SLC30A6: variants seen among roughly 807,000 people sequenced by gnomAD.
SLC30A6 encodes solute carrier family 30 member 6.
SLC30A6 carries 55 observed loss-of-function variants against 63.0 expected under a neutral mutation model. That is an observed-to-expected ratio of 0.87 (90% confidence interval 0.70 to 1.09). The LOEUF (loss-of-function observed/expected upper bound fraction) is 1.09, where lower values mean the gene tolerates loss of function less well. SLC30A6 is among the 50% of genes least tolerant of loss of function. The pLI is 0.00. For missense variants in SLC30A6, 587 were observed against 549.2 expected, an observed-to-expected ratio of 1.07 and a Z score of -0.69; for synonymous variants, 224 against 186.1, an observed-to-expected ratio of 1.20 and a Z score of -1.66.
chr2:32,200,473 G>C (rs1170352187), intron 10 of SLC30A6, among the ~76,000 whole-genome samples: 1 of 151,472 alleles, frequency 6.6e-6, no homozygotes, highest in Non-Finnish European at 1.5e-5. Context: ...GTAGAAAGAA[G>C]TAGACATGGG....
intron 13 of SLC30A6, chr2:32,214,434 T>C (rs900492282): frequency 6.6e-6 from 1 of 152,110 alleles, no homozygotes; most frequent in African/African-American, 2.4e-5. Flanking sequence ...CTTTCCTTTA[T>C]TTTTTTAATT....
intron 3 of SLC30A6, 82 bp from the exon 4 acceptor site, chr2:32,175,237 T>G (rs1681623624): frequency 7.4e-7 from 1 of 1,343,738 alleles, no homozygotes; most frequent in Admixed American, 1.9e-5. Context: ...TGGATACCCC[T>G]GGTAGAAATA....
chr2:32,197,540 A>G, intron 9 of SLC30A6, 148 bp downstream of exon 9: 1 of 1,282,634 alleles, frequency 7.8e-7, no homozygotes, highest in Non-Finnish European at 1.1e-6. Flanking sequence ...TTTTTAATTG[A>G]TACAAAAGAG....
chr2:32,204,385 T>C (rs1228380037), intron 10 of SLC30A6, among the ~76,000 whole-genome samples: 3 of 152,210 alleles, frequency 2.0e-5, no homozygotes, highest in African/African-American at 7.2e-5. Flanking sequence ...ATTAGTTATT[T>C]TTCCACTAAA....
intron 13 of SLC30A6, 88 bp from the exon 14 acceptor site, chr2:32,220,125 C>A (rs1686039872): frequency 2.8e-6 from 4 of 1,435,420 alleles, no homozygotes; most frequent in African/African-American, 1.4e-5. Flanking sequence ...CAGGAACTTA[C>A]CAAATCATAA....
rs544840294 is a variant in SLC30A6, at chr2:32,187,696, C to A, written c.284+3358C>A. Among the ~76,000 whole-genome samples, 10 of 152,270 alleles carry A rather than the reference C, an allele frequency of 6.6e-5. No homozygotes were observed. The East Asian group carries it at 1.7e-3, about 26-fold the overall frequency. On this transcript the variant is annotated intron_variant, in intron 5 of 13. Coordinates refer to ENST00000282587, the MANE Select transcript of SLC30A6 (RefSeq NM_017964.5). ...GGTGTCTTAAACTTAGGAAAAAATT[C>A]TTGGTTTCTTCCTCAAAAACCTATT...
intron 13 of SLC30A6, among the ~76,000 whole-genome samples, chr2:32,215,272 G>C (rs555860373): frequency 6.6e-5 from 10 of 152,088 alleles, no homozygotes; most frequent in Admixed American, 6.5e-4. Flanking sequence ...TTGGCTCACT[G>C]CAACATCTGC....
intron 13 of SLC30A6, among the ~76,000 whole-genome samples, chr2:32,219,249 G>C (rs918538811): frequency 6.6e-6 from 1 of 151,748 alleles, no homozygotes; most frequent in East Asian, 1.9e-4. Flanking sequence ...GGTCAGGCTG[G>C]TCTCGAACTC....
At chr2:32,206,061 G>C in intron 11 of SLC30A6, among the ~76,000 whole-genome samples, 1 of 152,092 alleles carries the variant, frequency 6.6e-6, no homozygotes, top group African/African-American at 2.4e-5. Context: ...TCCTGCCACT[G>C]AATCAGTGAG....
intron 13 of SLC30A6, among the ~76,000 whole-genome samples, chr2:32,213,803 T>G (rs1357826719): frequency 8.0e-6 from 1 of 124,846 alleles, no homozygotes; most frequent in East Asian, 2.1e-4. Context: ...AAACTTTTTT[T>G]TTTTTTTGTT....
chr2:32,192,295 T>C (rs1444839403), intron 5 of SLC30A6, 41 bp from the exon 6 acceptor site: 7 of 1,570,244 alleles, frequency 4.5e-6, no homozygotes, highest in African/African-American at 1.3e-5. Flanking sequence ...GGTTTGTGAA[T>C]TGAAAGAATT....
intron 1 of SLC30A6, among the ~76,000 whole-genome samples, chr2:32,167,345 G>A (rs890390335): frequency 1.5e-5 from 2 of 132,122 alleles, no homozygotes; most frequent in Non-Finnish European, 3.5e-5. Flanking sequence ...AAAGTGCTGG[G>A]ATTACAGGCG....
chr2:32,210,531 AAAAAAAAC>A (rs1442719135), intron 13 of SLC30A6, among the ~76,000 whole-genome samples: 21 of 151,504 alleles, frequency 1.4e-4, no homozygotes, highest in African/African-American at 4.8e-4. Flanking sequence ...AAAAAAAAAA[AAAAAAAAC>A]AACAGAAAAT....
At chr2:32,196,107 G>A (rs1683764453) in intron 8 of SLC30A6, among the ~76,000 whole-genome samples, 1 of 152,168 alleles carries the variant, frequency 6.6e-6, no homozygotes, top group African/African-American at 2.4e-5. Flanking sequence ...AAGGTCAGCA[G>A]TTTGAGACCG....
At chr2:32,192,448 C>A (rs746113254) in intron 6 of SLC30A6, 32 bp downstream of exon 6, 2 of 1,565,364 alleles carry the variant, frequency 1.3e-6, no homozygotes, top group East Asian at 2.2e-5. Flanking sequence ...TTCTAAATCC[C>A]CCCATGACAC....
At chr2:32,187,009 A>AG (rs1419507011) in intron 5 of SLC30A6, 10 of 357,966 alleles carry the variant, frequency 2.8e-5, no homozygotes. Flanking sequence ...AAAAAAAAAA[A>AG]AAAAAAGAAA....
intron 1 of SLC30A6, among the ~76,000 whole-genome samples, chr2:32,170,511 G>T (rs976890023): frequency 4.6e-5 from 7 of 152,136 alleles, no homozygotes; most frequent in Admixed American, 3.9e-4. Flanking sequence ...CTATACACTA[G>T]CAGGGGCCAG....
intron 2 of SLC30A6, 57 bp from the exon 3 acceptor site, chr2:32,174,006 C>T: frequency 7.4e-7 from 1 of 1,345,212 alleles, no homozygotes; most frequent in East Asian, 2.3e-5. Context: ...GCAACTTGAA[C>T]AGACCCCGTG....
intron 13 of SLC30A6, among the ~76,000 whole-genome samples, chr2:32,217,045 C>T (rs190942154): frequency 1.6e-4 from 25 of 151,728 alleles, no homozygotes; most frequent in South Asian, 8.3e-4. Flanking sequence ...TTTGCCACCA[C>T]GCCCGGCAAA....
Sources: gnomAD v4.1 joint callset for allele counts (sites outside exome capture counted in the v4.1 genomes callset) on GRCh38, gnomAD v4.1.1 for gene constraint, MANE v1.5 for transcripts, NCBI Gene and HGNC (gene_info 2026-07-23, HGNC 2026-07-21) for gene names.